XPR1: variants seen among roughly 807,000 people sequenced by gnomAD.
The protein encoded by XPR1 is solute carrier family 53 member 1.
A neutral mutation model predicts 87.5 loss-of-function variants in XPR1; 28 were observed. The ratio of observed to expected loss-of-function variants is 0.32; its 90% confidence interval spans 0.24 to 0.44. XPR1 has a LOEUF of 0.44. Among genes scored for constraint, XPR1 ranks in the 20% least tolerant of loss-of-function variants. The pLI is 1.00. For missense variants in XPR1, 559 were observed against 862.3 expected, an observed-to-expected ratio of 0.65 and a Z score of 4.41; for synonymous variants, 300 against 306.1, an observed-to-expected ratio of 0.98 and a Z score of 0.21.
chr1:180,808,088 A>C (rs1383412415), intron 6 of XPR1, among the ~76,000 whole-genome samples: 1 of 152,174 alleles, frequency 6.6e-6, no homozygotes, highest in East Asian at 1.9e-4. Flanking sequence ...TACCTTATGA[A>C]AGCTTATTAA....
At chr1:180,839,452 C>T (rs933482293) in intron 11 of XPR1, among the ~76,000 whole-genome samples, 5 of 152,048 alleles carry the variant, frequency 3.3e-5, no homozygotes, top group Non-Finnish European at 7.4e-5. Context: ...TTTACCAGTG[C>T]AATATTTTAT....
At chr1:180,653,475 A>G (rs1160467383) in intron 1 of XPR1, among the ~76,000 whole-genome samples, 2 of 152,218 alleles carry the variant, frequency 1.3e-5, no homozygotes, top group Non-Finnish European at 2.9e-5. Flanking sequence ...TCAAAGAAGC[A>G]TGGATTATAG....
intron 9 of XPR1, among the ~76,000 whole-genome samples, chr1:180,833,969 T>C (rs931872453): frequency 6.6e-6 from 1 of 152,178 alleles, no homozygotes; most frequent in Admixed American, 6.5e-5. Flanking sequence ...AGAAATACCA[T>C]ATAATTACAC....
At chr1:180,795,348 T>G (rs906195815) in intron 3 of XPR1, among the ~76,000 whole-genome samples, 1 of 152,190 alleles carries the variant, frequency 6.6e-6, no homozygotes, top group African/African-American at 2.4e-5. Context: ...TGAAAATTCT[T>G]GAATGGTTAT....
intron 1 of XPR1, among the ~76,000 whole-genome samples, chr1:180,669,892 GTC>G (rs1167983414): frequency 6.6e-6 from 1 of 152,094 alleles, no homozygotes; most frequent in African/African-American, 2.4e-5. Context: ...TGTGAATGTG[GTC>G]TCTGTCTCTT....
intron 2 of XPR1, among the ~76,000 whole-genome samples, chr1:180,750,688 T>G (rs947191931): frequency 1.3e-5 from 2 of 152,046 alleles, no homozygotes; most frequent in African/African-American, 2.4e-5. Context: ...ATAAATTTGA[T>G]TTTTTTATTT....
intron 2 of XPR1, among the ~76,000 whole-genome samples, chr1:180,697,168 T>C (rs1277388202): frequency 6.6e-6 from 1 of 152,174 alleles, no homozygotes. Flanking sequence ...TCGTTATTGG[T>C]CTTTTCAGGT....
At position 180,880,154 on chromosome 1, in the gene XPR1, C is replaced by T. The variant is rs761801981; in HGVS notation, c.1887C>T (p.Ile629=). ...NCGEFRAVRD[I]SVAPLNADDQ... is the part of the protein sequence containing the mutation. ...GTGAATTCCGTGCTGTGCGGGACATCTCTGTGGCCCCCCTGAACGCAGATG... is the reference window on the plus strand; with the variant it reads ...GTGAATTCCGTGCTGTGCGGGACATTTCTGTGGCCCCCCTGAACGCAGATG... Residue 629 remains isoleucine, a synonymous_variant, in exon 14 of 15, where the codon ATC becomes ATT. Coordinates refer to ENST00000367590, the MANE Select transcript of XPR1 (RefSeq NM_004736.4). 2 of 1,614,174 alleles carry T rather than the reference C, an allele frequency of 1.2e-6. No individual in the cohort carries two copies.
At chr1:180,743,922 AG>A (rs1271813071) in intron 2 of XPR1, among the ~76,000 whole-genome samples, 1 of 152,198 alleles carries the variant, frequency 6.6e-6, no homozygotes, top group Non-Finnish European at 1.5e-5. Flanking sequence ...AGTATTTTAC[AG>A]TTTGATTATG....
chr1:180,719,197 G>A (rs748354420), intron 2 of XPR1, among the ~76,000 whole-genome samples: 5 of 152,240 alleles, frequency 3.3e-5, no homozygotes, highest in Middle Eastern at 3.4e-3. Flanking sequence ...TTGAACCTGA[G>A]AACAGAGATT....
intron 2 of XPR1, among the ~76,000 whole-genome samples, chr1:180,718,683 T>TG (rs1417346798): frequency 1.3e-5 from 2 of 151,468 alleles, no homozygotes; most frequent in Non-Finnish European, 1.5e-5. Context: ...TTTTTTTTTT[T>TG]TTTGAGACAG....
At chr1:180,825,602 G>T (rs1237530332) in intron 9 of XPR1, among the ~76,000 whole-genome samples, 1 of 152,144 alleles carries the variant, frequency 6.6e-6, no homozygotes, top group Admixed American at 6.5e-5. Context: ...ATAAGATGTA[G>T]AACTTTGTAA....
rs575443795 is a variant in XPR1, at chr1:180,637,700, C to T, written c.69+5430C>T. On this transcript the variant is annotated intron_variant, in intron 1 of 14. Coordinates refer to ENST00000367590, the MANE Select transcript of XPR1 (RefSeq NM_004736.4). Reference sequence around the variant, plus strand: ...TCCCAAGTAGCTGGCATTACAGGCGCGCGCAACTACATCCAGCTAATTTTT... The same window carrying T: ...TCCCAAGTAGCTGGCATTACAGGCGTGCGCAACTACATCCAGCTAATTTTT... Among the ~76,000 whole-genome samples, 14 of 152,206 alleles carry T rather than the reference C, an allele frequency of 9.2e-5. No individual in the cohort carries two copies. The South Asian group carries it at 1.5e-3, about 16-fold the overall frequency.
At chr1:180,703,425 G>T (rs1657430520) in intron 2 of XPR1, among the ~76,000 whole-genome samples, 1 of 152,162 alleles carries the variant, frequency 6.6e-6, no homozygotes. Flanking sequence ...CATCAGTTGG[G>T]TGGGTATTTC....
chr1:180,817,306 T>A (rs1052922776), intron 7 of XPR1, among the ~76,000 whole-genome samples: 5 of 151,992 alleles, frequency 3.3e-5, no homozygotes, highest in African/African-American at 7.2e-5. Flanking sequence ...AAGAAAAAAA[T>A]TTTTTTATAA....
chr1:180,656,421 A>ATATATATTATATAT (rs1557941307), intron 1 of XPR1, among the ~76,000 whole-genome samples: 3 of 45,954 alleles, frequency 6.5e-5, no homozygotes, highest in Admixed American at 3.6e-4. Context: ...ATTTATATAT[A>ATATATATTATATAT]AATATTTATA....
chr1:180,704,245 G>GATATATAT (rs35751561), intron 2 of XPR1, among the ~76,000 whole-genome samples: 7,375 of 65,756 alleles, frequency 0.11, 672 homozygotes, highest in Non-Finnish European at 0.12. Context: ...ATAGGTGCTG[G>GATATATAT]ATATATATAT....
chr1:180,650,676 T>A (rs763587683), intron 1 of XPR1, among the ~76,000 whole-genome samples: 3 of 152,180 alleles, frequency 2.0e-5, no homozygotes, highest in Non-Finnish European at 4.4e-5. Flanking sequence ...GAGAAGGGGT[T>A]CTTTGAGGAT....
At chr1:180,650,537 A>G (rs1251704330) in intron 1 of XPR1, among the ~76,000 whole-genome samples, 2 of 152,220 alleles carry the variant, frequency 1.3e-5, no homozygotes, top group East Asian at 3.9e-4. Context: ...AATGTTAGCA[A>G]AAAGCAATTT....
Sources: gnomAD v4.1 joint callset for allele counts (sites outside exome capture counted in the v4.1 genomes callset) on GRCh38, gnomAD v4.1.1 for gene constraint, MANE v1.5 for transcripts, NCBI Gene and HGNC (gene_info 2026-07-23, HGNC 2026-07-21) for gene names.